Variants in COL23A1 observed in about 807,000 individuals in gnomAD.
COL23A1 encodes collagen type XXIII alpha 1 chain, also known as collagen alpha-1(XXIII) chain.
In COL23A1, 97 loss-of-function variants were observed where a neutral mutation model predicts 99.3. The ratio of observed to expected loss-of-function variants is 0.98; its 90% CI spans 0.83 to 1.16. COL23A1 has a LOEUF of 1.16. Ranked by LOEUF, COL23A1 falls within the 50% of genes most tolerant of loss-of-function variation. The pLI is 0.00. For synonymous variants in COL23A1, 320 were observed against 308.2 expected, an observed-to-expected ratio of 1.04 and a Z score of -0.40; for missense variants, 762 against 757.4, an observed-to-expected ratio of 1.01 and a Z score of -0.07.
chr5:178,588,418 G>A (rs1020770999), intron 1 of COL23A1, among the ~76,000 whole-genome samples: 5 of 152,204 alleles, frequency 3.3e-5, no homozygotes, highest in African/African-American at 1.2e-4. Context: ...AAATAAGAGA[G>A]GCCTCCTATG....
intron 14 of COL23A1, among the ~76,000 whole-genome samples, 172 bp from the exon 15 acceptor site, chr5:178,256,569 T>C (rs1765311563): frequency 6.6e-6 from 1 of 152,188 alleles, no homozygotes; most frequent in Non-Finnish European, 1.5e-5. Context: ...TCCAGGGGCC[T>C]GCGAGACCCT....
chr5:178,519,076 C>A (rs1187284294), intron 2 of COL23A1, among the ~76,000 whole-genome samples: 4 of 151,626 alleles, frequency 2.6e-5, no homozygotes, highest in African/African-American at 9.7e-5. Flanking sequence ...CCACCATGGC[C>A]GGACGGGCTC....
Position 178,280,921 on chromosome 5 carries a change from C to G in COL23A1, c.441+7403G>C, listed in dbSNP as rs550560845. 1.3e-5 allele frequency among the ~76,000 whole-genome samples: 2 copies of G among 152,266 alleles called. No individual in the cohort carries two copies. The highest frequency in any genetic ancestry group is 4.8e-5 in the African/African-American group (2 of 41,562). On this transcript the variant is annotated intron_variant, in intron 5 of 28. Transcript: ENST00000390654. The surrounding 1 kb of genome is among the most constrained non-coding windows in gnomAD (Gnocchi z 4.9). ...TCGGGCCCCACTGACCTGGGGTGGC[C>G]GCCTCCTGTGAATGGGCTGCCCCAC...
At chr5:178,263,155 G>A in intron 9 of COL23A1, 53 bp downstream of exon 9, 1 of 1,301,092 alleles carries the variant, frequency 7.7e-7, no homozygotes, top group East Asian at 2.3e-5. Flanking sequence ...CTGGAATCAG[G>A]ATTTGGGGTT....
chr5:178,292,344 G>A (rs886664247), intron 3 of COL23A1, among the ~76,000 whole-genome samples: 9 of 152,142 alleles, frequency 5.9e-5, no homozygotes, highest in Admixed American at 3.9e-4. Context: ...CCCCATCTAC[G>A]GTCCCTCTGG....
At chr5:178,519,555 C>T (rs2128004202) in intron 2 of COL23A1, among the ~76,000 whole-genome samples, 1 of 152,296 alleles carries the variant, frequency 6.6e-6, no homozygotes, top group East Asian at 1.9e-4. Context: ...CCAAGAGAAG[C>T]CAGAAATCAT....
chr5:178,540,643 T>C (rs917407794), intron 2 of COL23A1, among the ~76,000 whole-genome samples: 2 of 152,218 alleles, frequency 1.3e-5, no homozygotes, highest in Non-Finnish European at 2.9e-5. Context: ...GCAGGGTGGC[T>C]GGGCGTGGTG....
chr5:178,454,470 G>A (rs1313444883), intron 2 of COL23A1, among the ~76,000 whole-genome samples: 1 of 152,182 alleles, frequency 6.6e-6, no homozygotes, highest in South Asian at 2.1e-4. Context: ...CCAGGTGGGT[G>A]GGGGCAGGCC....
chr5:178,562,587 G>C (rs1484167758), intron 1 of COL23A1: 1 of 151,636 alleles, frequency 6.6e-6, no homozygotes, highest in Non-Finnish European at 1.5e-5. Flanking sequence ...AAAAAGAATG[G>C]AGCCGCCTAC....
At position 178,372,930 on chromosome 5, in the gene COL23A1, C is replaced by CTT. The variant is rs1183891249; in HGVS notation, c.362-66013_362-66012dup. ...TTTTTCTTTCTTTCTCTTTTTCTTT[C>CTT]TTTTTTTTTTTTTTTTTGAGACAGA... On this transcript the variant is annotated intron_variant, in intron 2 of 28. Transcript: ENST00000390654. 1.6e-3 allele frequency among the ~76,000 whole-genome samples: 97 copies of CTT among 58,842 alleles called. 1 individual carries two copies. The highest frequency in any genetic ancestry group is 5.5e-3 in the African/African-American group (62 of 11,250). 38.6% of individuals were successfully genotyped at this position (58,842 alleles called of 152,430 possible). A position where few individuals can be genotyped will look rare whatever the true frequency, so the allele number is the denominator to read the frequency against.
chr5:178,259,093 G>T (rs1034440904), intron 12 of COL23A1, among the ~76,000 whole-genome samples: 1 of 151,780 alleles, frequency 6.6e-6, no homozygotes, highest in African/African-American at 2.4e-5. Flanking sequence ...ATTTATTTTT[G>T]GATTTTTAGG....
At chr5:178,523,201 T>TATATAGAGAGAGAG (rs1223542330) in intron 2 of COL23A1, among the ~76,000 whole-genome samples, 1,066 of 77,392 alleles carry the variant, frequency 0.014, 9 homozygotes, top group Non-Finnish European at 0.021. Flanking sequence ...TATATATATA[T>TATATAGAGAGAGAG]AGAGAGAGAG....
rs1763551551 is a variant in COL23A1 at position 178,384,315 on chromosome 5, A to G, written c.362-77396T>C. 6.6e-6 allele frequency among the ~76,000 whole-genome samples: 1 copy of G among 152,210 alleles called. No homozygotes were observed. The highest frequency in any genetic ancestry group is 1.5e-5 in the Non-Finnish European group (1 of 68,014). On this transcript the variant is annotated intron_variant, in intron 2 of 28. Coordinates refer to ENST00000390654, the MANE Select transcript of COL23A1 (RefSeq NM_173465.4). The surrounding 1 kb of genome is among the most constrained non-coding windows in gnomAD (Gnocchi z 5.5). ...CCGGCGACGGAGGCCCGGCCTGGCC[A>G]CTGCCTGGCGTTTTCTCATAAACCA...
At chr5:178,503,544 C>G (rs1395393717) in intron 2 of COL23A1, among the ~76,000 whole-genome samples, 2 of 152,094 alleles carry the variant, frequency 1.3e-5, no homozygotes, top group Non-Finnish European at 2.9e-5. Flanking sequence ...CCTGTCATCA[C>G]CCTGAAGTAT....
At chr5:178,386,213 T>G (rs59935757) in intron 2 of COL23A1, among the ~76,000 whole-genome samples, 18,164 of 151,834 alleles carry the variant, frequency 0.12, 1,902 homozygotes, top group East Asian at 0.44. Context: ...CTAAGGCGGG[T>G]GGATTGTCTG....
rs1758480386 is a variant in COL23A1, at chr5:178,308,343, T to G, written c.362-1424A>C. Among the ~76,000 whole-genome samples, 1 of 152,142 alleles carries G rather than the reference T, an allele frequency of 6.6e-6. No individual in the cohort carries two copies. Among genetic ancestry groups the G allele is most frequent in the African/African-American group, 2.4e-5 (1 of 41,418 alleles). On this transcript the variant is annotated intron_variant, in intron 2 of 28. Transcript: ENST00000390654. The surrounding 1 kb of genome is among the most constrained non-coding windows in gnomAD (Gnocchi z 5.1). Reference sequence around the variant, plus strand: ...GGGACAGGGGACTTGAGGTGAGGATTGTTAAACAAAACTTAAAAATGAAAA... The same window carrying G: ...GGGACAGGGGACTTGAGGTGAGGATGGTTAAACAAAACTTAAAAATGAAAA...
intron 2 of COL23A1, among the ~76,000 whole-genome samples, chr5:178,493,101 T>TA (rs1758016788): frequency 6.6e-6 from 1 of 152,220 alleles, no homozygotes; most frequent in Admixed American, 6.5e-5. Context: ...TAGCTATTCC[T>TA]GTTCTCCAGC....
intron 6 of COL23A1, 79 bp downstream of exon 6, chr5:178,270,258 C>T: frequency 6.5e-7 from 1 of 1,548,014 alleles, no homozygotes; most frequent in African/African-American, 1.4e-5. Context: ...TGCTTCCCTC[C>T]AGTGCCTGCT....
At chr5:178,500,415 C>T (rs1263563271) in intron 2 of COL23A1, among the ~76,000 whole-genome samples, 1 of 124,398 alleles carries the variant, frequency 8.0e-6, no homozygotes, top group African/African-American at 3.4e-5. Context: ...AAGCAAGACC[C>T]CATCTCTACA....
Sources: gnomAD v4.1 joint callset for allele counts (sites outside exome capture counted in the v4.1 genomes callset) on GRCh38, gnomAD v4.1.1 for gene constraint, Gnocchi (gnomAD v3.1) non-coding constraint, MANE v1.5 for transcripts, NCBI Gene and HGNC (gene_info 2026-07-23, HGNC 2026-07-21) for gene names.